IWS1: variants seen among roughly 807,000 people sequenced by gnomAD.
The protein encoded by IWS1 is interacts with SUPT6H, CTD assembly factor 1.
Under a neutral mutation model 86.7 loss-of-function variants are expected in IWS1, and 27 were observed. That is an observed-to-expected ratio of 0.31 (90% CI 0.23 to 0.43). IWS1 has a LOEUF of 0.43. Ranked by LOEUF, IWS1 falls within the 20% of genes least tolerant of loss-of-function variation. The pLI, the probability that IWS1 is intolerant of heterozygous loss-of-function variation, is 1.00. For synonymous variants in IWS1, 313 were observed against 335.1 expected (o/e 0.93, Z 0.72); for missense variants, 827 against 1,000.8 (o/e 0.83, Z 2.34).
chr2:127,491,903 TTATA>T, intron 10 of IWS1, 64 bp downstream of exon 10: 1 of 925,052 alleles, frequency 1.1e-6, no homozygotes, highest in Non-Finnish European at 1.8e-6. Flanking sequence ...AATACAGCTT[TTATA>T]TATACGCATC....
chr2:127,523,009 A>C (rs1340890408), intron 2 of IWS1, among the ~76,000 whole-genome samples: 1 of 152,200 alleles, frequency 6.6e-6, no homozygotes, highest in Non-Finnish European at 1.5e-5. Context: ...CAGGAGTTTG[A>C]GATCAGCCTG....
chr2:127,482,251 C>T (rs1168886286), intron 13 of IWS1: 1 of 152,222 alleles, frequency 6.6e-6, no homozygotes, highest in African/African-American at 2.4e-5. Context: ...TTGGTGGAAT[C>T]TTATCCCACC....
chr2:127,489,609 C>T lies in IWS1; in HGVS notation c.2159+223G>A. The T allele has an allele frequency of 1.8e-6, 1 of 548,316 alleles. No individual in the cohort carries two copies. Among genetic ancestry groups the T allele is most frequent in the Non-Finnish European group, 3.2e-6 (1 of 310,646 alleles). The allele number at this position is 548,316 out of a possible 1,614,324, so 34.0% of individuals were successfully genotyped here. A position where few individuals can be genotyped will look rare whatever the true frequency, so the allele number is the denominator to read the frequency against. ...CAAGCAATCAGTATCCTGAAACAGGCCCTGTTCCAACAAACTGACCCAGAA... is the reference window on the plus strand; with the variant it reads ...CAAGCAATCAGTATCCTGAAACAGGTCCTGTTCCAACAAACTGACCCAGAA... On this transcript the variant is annotated intron_variant, in intron 11 of 13. Transcript: ENST00000295321. The surrounding 1 kb of genome is among the most constrained non-coding windows in gnomAD (Gnocchi z 4.8).
chr2:127,497,223 T>C (rs1690561648), intron 6 of IWS1, among the ~76,000 whole-genome samples: 1 of 152,234 alleles, frequency 6.6e-6, no homozygotes, highest in Non-Finnish European at 1.5e-5. Context: ...TATAAATCGC[T>C]AATAGCCCGG....
At chr2:127,517,651 G>A (rs901661809) in intron 2 of IWS1, among the ~76,000 whole-genome samples, 3 of 152,134 alleles carry the variant, frequency 2.0e-5, no homozygotes, top group Non-Finnish European at 4.4e-5. Flanking sequence ...TAACCACTGT[G>A]GAAAATAGTC....
intron 2 of IWS1, among the ~76,000 whole-genome samples, chr2:127,512,595 A>G (rs1223187650): frequency 6.6e-6 from 1 of 152,152 alleles, no homozygotes; most frequent in African/African-American, 2.4e-5. Context: ...TTGCTCTTCT[A>G]GCTAGACAGA....
Position 127,498,174 on chromosome 2 carries a change from A to G in IWS1, c.1531T>C (p.Ser511Pro). The change falls in exon 6 of 14, where the codon TCA (serine) becomes CCA (proline). Residue 511 changes from serine (S) to proline (P), a missense_variant. This residue lies in a region of IWS1 where 279 missense variants were observed against 440.6 expected (regional missense o/e 0.63). Coordinates refer to ENST00000295321, the MANE Select transcript of IWS1 (RefSeq NM_017969.3). ...GETQVKEAEDSDSDDNIKRGK... is the reference protein window; with the variant it reads ...GETQVKEAEDPDSDDNIKRGK... ...CTCTTTATGTTATCATCAGAATCTGAATCTTCTGCTTCTTTTACCTGTGTT... is the reference window on the plus strand; with the variant it reads ...CTCTTTATGTTATCATCAGAATCTGGATCTTCTGCTTCTTTTACCTGTGTT... The G allele has an allele frequency of 6.3e-7, 1 of 1,588,652 alleles. No homozygotes were observed. The highest frequency in any genetic ancestry group is 8.6e-7 in the Non-Finnish European group (1 of 1,157,078).
At chr2:127,488,330 C>A (rs1273183318) in intron 12 of IWS1, among the ~76,000 whole-genome samples, 3 of 152,196 alleles carry the variant, frequency 2.0e-5, no homozygotes, top group Non-Finnish European at 4.4e-5. Flanking sequence ...ATAGGGCTAT[C>A]TCATTAGGCA....
At chr2:127,524,554 T>C (rs986444204) in intron 1 of IWS1, among the ~76,000 whole-genome samples, 7 of 151,874 alleles carry the variant, frequency 4.6e-5, no homozygotes, top group Non-Finnish European at 7.4e-5. Context: ...TTTTTTTTTT[T>C]GGAGACACAG....
chr2:127,521,773 G>C (rs745515271), intron 2 of IWS1, among the ~76,000 whole-genome samples: 2 of 152,122 alleles, frequency 1.3e-5, no homozygotes, highest in Non-Finnish European at 2.9e-5. Context: ...GTTTAAGTCT[G>C]GGACAGTCTG....
At position 127,492,056 on chromosome 2, in the gene IWS1, A is replaced by G. The variant is rs772370600; in HGVS notation, c.1962T>C (p.His654=). Residue 654 remains histidine (H), a synonymous_variant, in exon 10 of 14, where the codon CAT becomes CAC. Coordinates refer to ENST00000295321, the MANE Select transcript of IWS1 (RefSeq NM_017969.3). ...ACATCACTGCTCGTCCAATCCCACTATGCTTCAGGGTCTCCTGGCTCACAC... is the reference window on the plus strand; with the variant it reads ...ACATCACTGCTCGTCCAATCCCACTGTGCTTCAGGGTCTCCTGGCTCACAC... ...LPSVSQETLK[H]SGIGRAVMYL... The G allele has an allele frequency of 1.2e-6, 2 of 1,613,906 alleles. No individual in the cohort carries two copies. The highest frequency in any genetic ancestry group is 1.7e-6 in the Non-Finnish European group (2 of 1,179,914).
intron 9 of IWS1, 192 bp downstream of exon 9, chr2:127,493,089 G>A (rs1368115397): frequency 1.2e-5 from 5 of 434,654 alleles, no homozygotes; most frequent in African/African-American, 2.1e-5. Flanking sequence ...CCTTCAATGC[G>A]ATAGTTACAT....
chr2:127,517,738 C>G (rs1691851911), intron 2 of IWS1, among the ~76,000 whole-genome samples: 1 of 152,118 alleles, frequency 6.6e-6, no homozygotes, highest in African/African-American at 2.4e-5. Context: ...CCCAGGAGAA[C>G]TGAAAACATA....
chr2:127,489,416 T>C lies in IWS1; in HGVS notation c.2160-181A>G. 1.7e-6 allele frequency: 1 copy of C among 581,656 alleles called. No individual in the cohort carries two copies. Among genetic ancestry groups the C allele is most frequent in the East Asian group, 2.9e-5 (1 of 34,416 alleles). The allele number at this position is 581,656 out of a possible 1,614,324, so 36.0% of individuals were successfully genotyped here. On this transcript the variant is annotated intron_variant, in intron 11 of 13. Transcript: ENST00000295321. The surrounding 1 kb of genome is among the most constrained non-coding windows in gnomAD (Gnocchi z 4.8). The stretch of plus-strand genomic sequence containing the variant: ...TTTTAGTATTCATTTGCATAACAGG[T>C]TTCCTTGTGGATGAGCCGTAATTGC...
intron 1 of IWS1, among the ~76,000 whole-genome samples, 180 bp downstream of exon 1, chr2:127,525,995 C>T (rs1692386287): frequency 6.6e-6 from 1 of 152,260 alleles, no homozygotes; most frequent in Non-Finnish European, 1.5e-5. Flanking sequence ...CCAGAATCCC[C>T]TCTCCAACGT....
intron 6 of IWS1, among the ~76,000 whole-genome samples, chr2:127,496,527 A>T (rs1690519387): frequency 6.8e-6 from 1 of 147,804 alleles, no homozygotes; most frequent in Non-Finnish European, 1.5e-5. Flanking sequence ...AAGTACTCTA[A>T]ACAGGTGTAC....
At chr2:127,496,879 T>C (rs954655078) in intron 6 of IWS1, among the ~76,000 whole-genome samples, 2 of 152,186 alleles carry the variant, frequency 1.3e-5, no homozygotes, top group African/African-American at 4.8e-5. Context: ...CGTCCAACTA[T>C]ATTGTATTTT....
At position 127,505,064 on chromosome 2, in the gene IWS1, T is replaced by C; in HGVS notation, c.839A>G (p.Asp280Gly). ...ATCACTGGCCTGGTTCCTTGGGGGATCCTCACTTTCCGAATCACTGATTCG... is the reference window on the plus strand; with the variant it reads ...ATCACTGGCCTGGTTCCTTGGGGGACCCTCACTTTCCGAATCACTGATTCG... ...KPRISDSESE[D>G]PPRNQASDSE... Residue 280 changes from aspartate to glycine, a missense_variant, in exon 3 of 14, where the codon GAT (aspartate) becomes GGT (glycine). Asp to Gly is a moderately conservative substitution (Grantham distance 94, BLOSUM62 -1). Around this residue, in one of 2 missense-constraint regions of IWS1, gnomAD observed 548 missense variants for 560.2 expected, o/e 0.98. Coordinates refer to ENST00000295321, the MANE Select transcript of IWS1 (RefSeq NM_017969.3). This position sits in a 1 kb window ranked among gnomAD's most constrained non-coding sequence, Gnocchi z 5.0. 6.2e-7 allele frequency: 1 copy of C among 1,612,044 alleles called. No individual in the cohort carries two copies. The highest frequency in any genetic ancestry group is 8.5e-7 in the Non-Finnish European group (1 of 1,179,468).
At position 127,501,560 on chromosome 2, in the gene IWS1, G is replaced by T. The variant is rs528483106; in HGVS notation, c.1467+1255C>A. Among the ~76,000 whole-genome samples, 8 of 151,978 alleles carry T rather than the reference G, an allele frequency of 5.3e-5. No individual in the cohort carries two copies. In the South Asian group the frequency reaches 1.7e-3, roughly 32 times the overall value. On this transcript the variant is annotated intron_variant, in intron 5 of 13. Transcript: ENST00000295321. ...ATTCCAATTTTTGCGAAAACTTTTCGATGTATAGTCTATATCTTTTCCTTT... is the reference window on the plus strand; with the variant it reads ...ATTCCAATTTTTGCGAAAACTTTTCTATGTATAGTCTATATCTTTTCCTTT...
Sources: gnomAD v4.1 joint callset for allele counts (sites outside exome capture counted in the v4.1 genomes callset) on GRCh38, gnomAD v4.1.1 for gene constraint, gnomAD v4.1.1 regional missense constraint, Gnocchi (gnomAD v3.1) non-coding constraint, MANE v1.5 for transcripts, NCBI Gene and HGNC (gene_info 2026-07-23, HGNC 2026-07-21) for gene names.